The following SMIM35 variants were observed in gnomAD, a reference collection of about 807,000 sequenced individuals.
SMIM35 encodes the protein small integral membrane protein 35, also known as TMPRSS4 antisense RNA 1 (non-protein coding).
chr11:118,071,254 A>C (rs1944566802), intron 1 of SMIM35, among the ~76,000 whole-genome samples: 1 of 152,176 alleles, frequency 6.6e-6, no homozygotes, highest in South Asian at 2.1e-4. Context: ...GTCAGCTCCC[A>C]CTGAACAGAG....
chr11:118,074,468 C>T (rs1201610107), intron 1 of SMIM35, among the ~76,000 whole-genome samples: 2 of 152,000 alleles, frequency 1.3e-5, no homozygotes, highest in Non-Finnish European at 2.9e-5. Flanking sequence ...GGTTCTGGGC[C>T]GGGTGCGGTG....
rs1944722942 is a variant in SMIM35, at chr11:118,077,187, C to A, written c.7+9564G>T. ...CGGGCCTCCTCCAGCCAGTGCTGAC[C>A]AGGGACTTCTGACCTGCTGGCCAGC... On this transcript the variant is annotated intron_variant, in intron 1 of 4. Transcript: ENST00000689828. The A allele has an allele frequency of 2.5e-5, 35 of 1,382,030 alleles. 1 individual carries two copies. The South Asian group carries it at 3.7e-4, about 15-fold the overall frequency. 85.6% of individuals were successfully genotyped at this position (1,382,030 alleles called of 1,614,324 possible). A position where few individuals can be genotyped will look rare whatever the true frequency, so the allele number is the denominator to read the frequency against.
chr11:118,029,634 T>C, intron 1 of SMIM35: 1 of 457,198 alleles, frequency 2.2e-6, no homozygotes, highest in Admixed American at 2.3e-5. Context: ...AGTGTTTCTT[T>C]TTCACCCCAG....
At chr11:118,064,217 G>A (rs193252940) in intron 1 of SMIM35, among the ~76,000 whole-genome samples, 36 of 152,312 alleles carry the variant, frequency 2.4e-4, no homozygotes, top group East Asian at 7.7e-4. Flanking sequence ...TGATTGTGGC[G>A]TGAGAACCAA....
chr11:118,030,399 C>A (rs2058308440), intron 1 of SMIM35, among the ~76,000 whole-genome samples: 1 of 152,076 alleles, frequency 6.6e-6, no homozygotes, highest in African/African-American at 2.4e-5. Flanking sequence ...GACAATAGAG[C>A]ACAATCTACA....
chr11:118,035,133 G>A (rs1417639560), intron 1 of SMIM35, among the ~76,000 whole-genome samples: 1 of 152,008 alleles, frequency 6.6e-6, no homozygotes, highest in Non-Finnish European at 1.5e-5. Context: ...TGTATTTTTA[G>A]TAGAGACGGA....
Position 118,004,577 on chromosome 11 carries a change from A to T in SMIM35, c.*1833T>A, listed in dbSNP as rs1317218514. 2.0e-5 allele frequency: 3 copies of T among 152,276 alleles called. No homozygotes were observed. Among genetic ancestry groups the T allele is most frequent in the Admixed American group, 2.0e-4 (3 of 15,286 alleles). 9.4% of individuals were successfully genotyped at this position (152,276 alleles called of 1,614,324 possible). A position where few individuals can be genotyped will look rare whatever the true frequency, so the allele number is the denominator to read the frequency against. On this transcript the variant is annotated 3_prime_UTR_variant, in exon 5 of 5. Transcript: ENST00000689828. The stretch of plus-strand genomic sequence containing the variant: ...TCAGCAATTGGCAAGGCTGGCCTGG[A>T]TCTGTGAGGCTCAGGGTTAGGGATT...
chr11:118,017,829 A>G (rs908945614), intron 1 of SMIM35, among the ~76,000 whole-genome samples: 2 of 152,152 alleles, frequency 1.3e-5, no homozygotes, highest in African/African-American at 2.4e-5. Context: ...GGCAGGAAGG[A>G]GAAGAGTGCC....
intron 1 of SMIM35, among the ~76,000 whole-genome samples, chr11:118,018,293 C>A (rs1267601798): frequency 6.6e-6 from 1 of 152,136 alleles, no homozygotes; most frequent in Non-Finnish European, 1.5e-5. Context: ...AGATAAAGGG[C>A]ATGACCCAAT....
At chr11:118,084,235 C>T (rs893196582) in intron 1 of SMIM35, among the ~76,000 whole-genome samples, 1 of 152,128 alleles carries the variant, frequency 6.6e-6, no homozygotes, top group South Asian at 2.1e-4. Flanking sequence ...AATGAGCAAA[C>T]AGGATTCAGA....
intron 1 of SMIM35, among the ~76,000 whole-genome samples, chr11:118,069,759 G>T (rs1384908869): frequency 6.6e-6 from 1 of 152,138 alleles, no homozygotes; most frequent in Non-Finnish European, 1.5e-5. Context: ...CCTATAAAAG[G>T]ATAGAAAGAA....
intron 1 of SMIM35, among the ~76,000 whole-genome samples, chr11:118,053,353 CAA>C (rs398017740): frequency 3.3e-4 from 44 of 134,052 alleles, no homozygotes; most frequent in Non-Finnish European, 6.2e-4. Flanking sequence ...CACACACACA[CAA>C]AGCTTACTAG....
At chr11:118,011,204 G>A (rs2058148792) in intron 4 of SMIM35, among the ~76,000 whole-genome samples, 1 of 152,184 alleles carries the variant, frequency 6.6e-6, no homozygotes, top group Non-Finnish European at 1.5e-5. Flanking sequence ...CGTGCTCCCA[G>A]CCCCGGGCAG....
At chr11:118,024,103 C>T (rs1396610926) in intron 1 of SMIM35, among the ~76,000 whole-genome samples, 2 of 151,432 alleles carry the variant, frequency 1.3e-5, no homozygotes, top group East Asian at 3.9e-4. Context: ...AATTAGATTC[C>T]CTGAAGGAGA....
intron 1 of SMIM35, among the ~76,000 whole-genome samples, chr11:118,035,999 T>C (rs796161017): frequency 1.3e-5 from 2 of 152,298 alleles, no homozygotes; most frequent in African/African-American, 4.8e-5. Context: ...GCGATTCTTC[T>C]GTCTCAGCCT....
intron 1 of SMIM35, among the ~76,000 whole-genome samples, chr11:118,019,607 T>C (rs956667175): frequency 1.3e-5 from 2 of 152,246 alleles, no homozygotes; most frequent in African/African-American, 4.8e-5. Context: ...GAATTTTAAC[T>C]AATATTTTAA....
intron 1 of SMIM35, among the ~76,000 whole-genome samples, chr11:118,020,664 G>T (rs554308154): frequency 1.3e-5 from 2 of 152,222 alleles, no homozygotes; most frequent in East Asian, 3.9e-4. Context: ...AGCTTGTTTT[G>T]TGTATATTGG....
At chr11:118,080,594 G>A (rs1945050689) in intron 1 of SMIM35, among the ~76,000 whole-genome samples, 1 of 152,142 alleles carries the variant, frequency 6.6e-6, no homozygotes, top group South Asian at 2.1e-4. Flanking sequence ...GTGCAGCTGA[G>A]AACCCAGCAG....
intron 1 of SMIM35, 146 bp from the exon 2 acceptor site, chr11:118,015,955 G>A (rs2058179517): frequency 1.3e-5 from 5 of 397,482 alleles, no homozygotes; most frequent in Middle Eastern, 6.2e-4. Flanking sequence ...ATTCAGCCCA[G>A]CTATACTAAG....
Sources: allele counts gnomAD v4.1 joint callset (sites outside exome capture counted in the v4.1 genomes callset), GRCh38; gene constraint gnomAD v4.1.1; transcripts MANE v1.5; gene names NCBI Gene and HGNC (gene_info 2026-07-23, HGNC 2026-07-21).